Variants in UBE2E2 observed in about 807,000 individuals in gnomAD.
UBE2E2 encodes ubiquitin-conjugating enzyme E2 E2.
UBE2E2 carries 6 observed loss-of-function variants against 24.7 expected under a neutral mutation model. The observed-to-expected ratio is 0.24, with a 90% CI of 0.13 to 0.48. The LOEUF (loss-of-function observed/expected upper bound fraction) is 0.48. UBE2E2 is among the 20% of genes least tolerant of loss of function. The probability of loss-of-function intolerance (pLI) is 0.99; values close to 1 mark genes in which losing one functional copy is unlikely to be tolerated. For synonymous variants in UBE2E2, 104 were observed against 83.6 expected (o/e 1.24, Z -1.33); for missense variants, 169 against 245.0 (o/e 0.69, Z 2.07).
In UBE2E2 at chr3:23,556,049, G is replaced by A. The variant is rs1695774193; in HGVS notation, c.508+23348G>A. Among the ~76,000 whole-genome samples, 6 of 151,778 alleles carry A rather than the reference G, an allele frequency of 4.0e-5. No homozygotes were observed. In the South Asian group the frequency reaches 1.2e-3, roughly 32 times the overall value. ...GGAGGGAAATGGGTAAAAGTGTTAGGTGATGGGTATGTTAATTTGTTTCAC... is the reference window on the plus strand; with the variant it reads ...GGAGGGAAATGGGTAAAAGTGTTAGATGATGGGTATGTTAATTTGTTTCAC... On this transcript the variant is annotated intron_variant, in intron 5 of 5. Transcript: ENST00000396703.
At chr3:23,349,456 G>A (rs1328176413) in intron 3 of UBE2E2, among the ~76,000 whole-genome samples, 2 of 152,214 alleles carry the variant, frequency 1.3e-5, no homozygotes, top group Admixed American at 6.5e-5. Context: ...AAGCGCAAGG[G>A]GTCAGGGAGT....
chr3:23,421,841 G>A (rs948982706), intron 3 of UBE2E2, among the ~76,000 whole-genome samples: 13 of 152,264 alleles, frequency 8.5e-5, no homozygotes, highest in African/African-American at 1.9e-4. Context: ...ACTCAGGTGC[G>A]AGGGAGGTGA....
rs1845900 is a variant in UBE2E2 at position 23,413,074 on chromosome 3, A to C, written c.228-86534A>C. On this transcript the variant is annotated intron_variant, in intron 3 of 5. Coordinates refer to ENST00000396703, the MANE Select transcript of UBE2E2 (RefSeq NM_152653.4). ...GGTGGGGGGAGGGGGGAGGAATAGC[A>C]TTAGGAGATATACCTAATGCTAAAT... 5.1e-3 allele frequency among the ~76,000 whole-genome samples: 774 copies of C among 150,720 alleles called. 2 individuals carry two copies. The highest frequency in any genetic ancestry group is 9.0e-3 in the Non-Finnish European group (613 of 67,786).
At chr3:23,563,971 AAAAGAAAG>A (rs35762193) in intron 5 of UBE2E2, among the ~76,000 whole-genome samples, 1 of 149,730 alleles carries the variant, frequency 6.7e-6, no homozygotes, top group African/African-American at 2.5e-5. Context: ...TTCCAAAAAC[AAAAGAAAG>A]AAAGAAAGAA....
chr3:23,566,872 A>G (rs1003880237), intron 5 of UBE2E2, among the ~76,000 whole-genome samples: 7 of 152,322 alleles, frequency 4.6e-5, no homozygotes, highest in Admixed American at 3.3e-4. Flanking sequence ...AGAGATGACA[A>G]AGGCTACAAA....
At position 23,590,056 on chromosome 3, in the gene UBE2E2, C is replaced by T. The variant is rs191103479; in HGVS notation, c.*225C>T. 43 of 449,870 alleles carry T rather than the reference C, an allele frequency of 9.6e-5. No individual in the cohort carries two copies. Among genetic ancestry groups the T allele is most frequent in the African/African-American group, 6.1e-4 (31 of 51,028 alleles). The allele number at this position is 449,870 out of a possible 1,614,324, so 27.9% of individuals were successfully genotyped here. A position where few individuals can be genotyped will look rare whatever the true frequency, so the allele number is the denominator to read the frequency against. On this transcript the variant is annotated 3_prime_UTR_variant, in exon 6 of 6. Coordinates refer to ENST00000396703, the MANE Select transcript of UBE2E2 (RefSeq NM_152653.4). ...TCTCATTTTATTCCCTTGTTGATTT[C>T]TGTTAACTTGAAAGATTTGGGATTT...
chr3:23,345,437 T>C (rs1027978477), intron 3 of UBE2E2, among the ~76,000 whole-genome samples: 1 of 152,238 alleles, frequency 6.6e-6, no homozygotes, highest in Non-Finnish European at 1.5e-5. Flanking sequence ...TGTTACTTAT[T>C]ATTTACCATA....
At chr3:23,405,652 A>G (rs1045315674) in intron 3 of UBE2E2, among the ~76,000 whole-genome samples, 1 of 152,192 alleles carries the variant, frequency 6.6e-6, no homozygotes, top group Non-Finnish European at 1.5e-5. Flanking sequence ...ATTGAAGATA[A>G]TGGGGCCATC....
chr3:23,286,160 T>G (rs1055315383), intron 3 of UBE2E2, among the ~76,000 whole-genome samples: 1 of 152,216 alleles, frequency 6.6e-6, no homozygotes, highest in African/African-American at 2.4e-5. Context: ...CTTTTTGGTG[T>G]AGAAGCTTTA....
intron 3 of UBE2E2, among the ~76,000 whole-genome samples, chr3:23,406,378 A>G (rs913796734): frequency 1.1e-4 from 16 of 152,202 alleles, no homozygotes; most frequent in African/African-American, 3.9e-4. Context: ...TCGAACTGAT[A>G]TGTTTAACTC....
chr3:23,518,139 G>T (rs1694784378), intron 4 of UBE2E2, among the ~76,000 whole-genome samples: 2 of 152,062 alleles, frequency 1.3e-5, no homozygotes, highest in African/African-American at 2.4e-5. Flanking sequence ...GAGGGGAAAA[G>T]ATAAACCCAA....
At chr3:23,302,915 T>C (rs1323578382) in intron 3 of UBE2E2, among the ~76,000 whole-genome samples, 1 of 152,190 alleles carries the variant, frequency 6.6e-6, no homozygotes, top group African/African-American at 2.4e-5. Context: ...TTTGTGTTGA[T>C]TTTAAAACAA....
At chr3:23,485,558 C>T (rs1431154456) in intron 3 of UBE2E2, among the ~76,000 whole-genome samples, 1 of 152,052 alleles carries the variant, frequency 6.6e-6, no homozygotes, top group African/African-American at 2.4e-5. Context: ...AAAAAAAAAC[C>T]TCTCTTGTTT....
intron 3 of UBE2E2, among the ~76,000 whole-genome samples, chr3:23,347,286 G>C (rs550886553): frequency 6.6e-6 from 1 of 152,178 alleles, no homozygotes; most frequent in Non-Finnish European, 1.5e-5. Flanking sequence ...CGCAGTAGCA[G>C]AGACTTGGAA....
rs1698455568 is a variant in UBE2E2, at chr3:23,280,107, T to C, written c.227+62795T>C. Among the ~76,000 whole-genome samples, 1 of 152,244 alleles carries C rather than the reference T, an allele frequency of 6.6e-6. No individual in the cohort carries two copies. The highest frequency in any genetic ancestry group is 1.5e-5 in the Non-Finnish European group (1 of 68,038). Reference sequence around the variant, plus strand: ...ATTACCACGGTAAGGTTCAAATTACTGATATCACATTCTTTTTTGAGGAAG... The same window carrying C: ...ATTACCACGGTAAGGTTCAAATTACCGATATCACATTCTTTTTTGAGGAAG... On this transcript the variant is annotated intron_variant, in intron 3 of 5. Coordinates refer to ENST00000396703, the MANE Select transcript of UBE2E2 (RefSeq NM_152653.4). The surrounding 1 kb of genome is among the most constrained non-coding windows in gnomAD (Gnocchi z 4.3).
chr3:23,208,733 C>A lies in UBE2E2; in HGVS notation c.34C>A (p.Pro12Thr). 6.2e-7 allele frequency: 1 copy of A among 1,612,834 alleles called. No individual in the cohort carries two copies. The highest frequency in any genetic ancestry group is 8.5e-7 in the Non-Finnish European group (1 of 1,179,436). ...STEAQRVDDS[P>T]STSGGSSDGD... ...TGAGGCACAAAGAGTTGATGACAGT[C>A]CAAGCACTAGTGGAGGAAGTTCCGA... is the stretch of plus-strand genomic sequence containing the variant. The change falls in exon 2 of 6, where the codon CCA becomes ACA. Residue 12 changes from proline to threonine, a missense_variant. Transcript: ENST00000396703.
intron 3 of UBE2E2, among the ~76,000 whole-genome samples, chr3:23,353,991 A>G (rs1316791199): frequency 6.6e-6 from 1 of 152,204 alleles, no homozygotes; most frequent in Admixed American, 6.5e-5. Context: ...AAACTATACT[A>G]CAAGGCTACA....
chr3:23,525,971 C>T (rs562593037), intron 4 of UBE2E2, among the ~76,000 whole-genome samples: 6 of 152,194 alleles, frequency 3.9e-5, no homozygotes, highest in East Asian at 1.9e-4. Context: ...ATCTAAGGAC[C>T]GCAAACAATT....
chr3:23,547,858 A>C (rs966137520), intron 5 of UBE2E2, among the ~76,000 whole-genome samples: 8 of 152,194 alleles, frequency 5.3e-5, no homozygotes, highest in South Asian at 2.1e-4. Context: ...CCCAGCCCTA[A>C]GGAGGTCCCA....
Sources: allele counts gnomAD v4.1 joint callset (sites outside exome capture counted in the v4.1 genomes callset), GRCh38; gene constraint gnomAD v4.1.1; non-coding constraint Gnocchi (gnomAD v3.1); transcripts MANE v1.5; gene names NCBI Gene and HGNC (gene_info 2026-07-23, HGNC 2026-07-21).